The following NRXN1 variants were observed in gnomAD, a reference collection of about 807,000 sequenced individuals.
NRXN1 encodes neurexin 1, also known as neurexin-1.
NRXN1 carries 39 observed loss-of-function variants against 150.9 expected under a neutral mutation model. That is an observed-to-expected ratio of 0.26 (90% CI 0.20 to 0.34). The LOEUF (loss-of-function observed/expected upper bound fraction) is 0.34. Among genes scored for constraint, NRXN1 ranks in the 10% least tolerant of loss-of-function variants. The pLI, the probability that NRXN1 is intolerant of heterozygous loss-of-function variation, is 1.00. For missense variants in NRXN1, 1,815 were observed against 1,949.9 expected (o/e 0.93, Z 1.30); for synonymous variants, 924 against 757.0 (o/e 1.22, Z -3.62).
intron 5 of NRXN1, among the ~76,000 whole-genome samples, chr2:50,725,390 G>A (rs1006960666): frequency 2.0e-5 from 3 of 151,398 alleles, no homozygotes; most frequent in Non-Finnish European, 4.4e-5. Context: ...ACAGCAAACT[G>A]AGACAGGTAT....
chr2:50,137,805 A>G (rs1263061640), intron 18 of NRXN1, among the ~76,000 whole-genome samples: 1 of 152,218 alleles, frequency 6.6e-6, no homozygotes. Context: ...TGTTTTAAAA[A>G]GAAAAAAATA....
chr2:50,263,157 TACACACACACACACAC>T (rs58442373), intron 17 of NRXN1, among the ~76,000 whole-genome samples: 10 of 147,346 alleles, frequency 6.8e-5, no homozygotes, highest in African/African-American at 1.2e-4. Context: ...AAAACACACA[TACACACACACACACAC>T]ACACACACAC....
intron 21 of NRXN1, among the ~76,000 whole-genome samples, chr2:50,050,439 A>C (rs1692535355): frequency 6.6e-6 from 1 of 152,042 alleles, no homozygotes; most frequent in African/African-American, 2.4e-5. Flanking sequence ...TAAGTGGCTC[A>C]GTGTTATCAC....
At chr2:50,757,405 TAACTCAACTGTAAAGAA>T (rs1559218128) in intron 5 of NRXN1, among the ~76,000 whole-genome samples, 6 of 151,800 alleles carry the variant, frequency 4.0e-5, no homozygotes, top group Non-Finnish European at 8.8e-5. Context: ...CATGAGTGAA[TAACTCAACTGTAAAGAA>T]GTACAGAATG....
intron 15 of NRXN1, among the ~76,000 whole-genome samples, chr2:50,485,789 G>C (rs963164490): frequency 1.3e-5 from 2 of 152,224 alleles, no homozygotes; most frequent in Admixed American, 6.5e-5. Context: ...ATGAACCCAA[G>C]AATGCACCAG....
intron 19 of NRXN1, among the ~76,000 whole-genome samples, chr2:50,078,158 A>C (rs1007426948): frequency 3.5e-4 from 54 of 152,212 alleles, no homozygotes; most frequent in Non-Finnish European, 5.6e-4. Flanking sequence ...AGATTAAGTT[A>C]CACCTTTGGA....
intron 5 of NRXN1, among the ~76,000 whole-genome samples, chr2:50,664,481 T>A (rs1458236507): frequency 6.6e-6 from 1 of 150,970 alleles, no homozygotes; most frequent in Non-Finnish European, 1.5e-5. Flanking sequence ...GCATTGGGTT[T>A]TTTTCTCTAC....
At chr2:50,130,628 C>T (rs73932947) in intron 18 of NRXN1, among the ~76,000 whole-genome samples, 6,579 of 152,236 alleles carry the variant, frequency 0.043, 508 homozygotes, top group African/African-American at 0.15. Flanking sequence ...AAACAAACAA[C>T]ATCCCAAGTA....
chr2:50,644,297 A>G (rs1684487920), intron 5 of NRXN1, among the ~76,000 whole-genome samples: 2 of 151,774 alleles, frequency 1.3e-5, no homozygotes, highest in Admixed American at 1.3e-4. Flanking sequence ...GGAAAGAAAA[A>G]TATTTATTCT....
intron 12 of NRXN1, among the ~76,000 whole-genome samples, chr2:50,515,636 T>C (rs1271745825): frequency 2.0e-5 from 3 of 151,848 alleles, no homozygotes; most frequent in Non-Finnish European, 4.4e-5. Context: ...TGTGTGTGTG[T>C]GTGTGTCTGC....
At position 50,556,504 on chromosome 2, in the gene NRXN1, A is replaced by AT. The variant is rs558387581; in HGVS notation, c.1321-3480dup. Among the ~76,000 whole-genome samples the AT allele has an allele frequency of 4.3e-3, 577 of 134,168 alleles. 3 individuals carry two copies. The highest frequency in any genetic ancestry group is 0.013 in the African/African-American group (470 of 36,230). The allele number at this position is 134,168 out of a possible 152,430, so 88.0% of individuals were successfully genotyped here. On this transcript the variant is annotated intron_variant, in intron 8 of 22. Transcript: ENST00000401669. Reference sequence around the variant, plus strand: ...AACCAAGGTTTCTTTGGGGACATTGATTTTTTTTTTTTTTTTAAAGAGTGA... The same window carrying AT: ...AACCAAGGTTTCTTTGGGGACATTGATTTTTTTTTTTTTTTTTAAAGAGTGA...
chr2:51,012,211 TAA>T (rs1667987427), intron 2 of NRXN1, among the ~76,000 whole-genome samples: 1 of 152,052 alleles, frequency 6.6e-6, no homozygotes, highest in East Asian at 1.9e-4. Flanking sequence ...CAGTATTTAT[TAA>T]TCTAAAGTCT....
At chr2:50,633,922 TG>T (rs777483830) in intron 5 of NRXN1, among the ~76,000 whole-genome samples, 7 of 152,130 alleles carry the variant, frequency 4.6e-5, no homozygotes, top group Non-Finnish European at 1.0e-4. Flanking sequence ...TTTAGATGAT[TG>T]GGGAAGCTTT....
At chr2:50,631,396 T>C (rs1223140866) in intron 5 of NRXN1, 1 of 227,976 alleles carries the variant, frequency 4.4e-6, no homozygotes, top group African/African-American at 2.4e-5. Context: ...AAGTTAGACT[T>C]AGACATTATT....
intron 2 of NRXN1, among the ~76,000 whole-genome samples, chr2:50,996,823 A>T (rs762782663): frequency 2.0e-5 from 3 of 151,996 alleles, no homozygotes; most frequent in Non-Finnish European, 2.9e-5. Context: ...GTTAAAAACC[A>T]TCTTTCACCA....
At chr2:50,915,291 A>G (rs1685060388) in intron 5 of NRXN1, among the ~76,000 whole-genome samples, 1 of 151,660 alleles carries the variant, frequency 6.6e-6, no homozygotes, top group African/African-American at 2.4e-5. Flanking sequence ...ACTATATATC[A>G]TTCTGTGAAG....
chr2:50,041,010 C>T (rs887558106), intron 21 of NRXN1, among the ~76,000 whole-genome samples: 1 of 152,086 alleles, frequency 6.6e-6, no homozygotes, highest in African/African-American at 2.4e-5. Context: ...TGCTATCCCT[C>T]CTCCCTCCTG....
intron 3 of NRXN1, among the ~76,000 whole-genome samples, chr2:50,925,516 C>G (rs1686727954): frequency 6.6e-6 from 1 of 151,702 alleles, no homozygotes; most frequent in South Asian, 2.1e-4. Context: ...TTAAACAAAC[C>G]AATGGGCTTG....
chr2:50,139,311 C>T (rs981847902), intron 18 of NRXN1, among the ~76,000 whole-genome samples: 5 of 125,796 alleles, frequency 4.0e-5, no homozygotes, highest in Non-Finnish European at 6.3e-5. Flanking sequence ...GGCAACAGAG[C>T]GAGACTTGGT....
Sources: allele counts gnomAD v4.1 joint callset (sites outside exome capture counted in the v4.1 genomes callset), GRCh38; gene constraint gnomAD v4.1.1; transcripts MANE v1.5; gene names NCBI Gene and HGNC (gene_info 2026-07-23, HGNC 2026-07-21).